Variants in FTCDNL1 observed in about 807,000 individuals in gnomAD.
FTCDNL1 encodes the protein formiminotransferase cyclodeaminase N-terminal like, also known as formiminotransferase N-terminal subdomain-containing protein.
FTCDNL1 carries 11 observed loss-of-function variants against 5.9 expected under a neutral mutation model. The observed-to-expected ratio is 1.87, with a 90% confidence interval of 1.18 to 3.10. The LOEUF (loss-of-function observed/expected upper bound fraction) is 3.10, where lower values mean the gene tolerates loss of function less well. Ranked by LOEUF, FTCDNL1 falls within the 30% of genes most tolerant of loss-of-function variation. FTCDNL1 has a pLI of 0.00. For synonymous variants in FTCDNL1, 58 were observed against 24.8 expected, an observed-to-expected ratio of 2.34 and a Z score of -3.99; for missense variants, 115 against 65.5, an observed-to-expected ratio of 1.76 and a Z score of -2.61.
At chr2:199,753,419 G>A in the FTCDNL1 span, among the ~76,000 whole-genome samples, 1 of 152,272 alleles carries the variant, frequency 6.6e-6, no homozygotes. Context: ...CCCTGCCGAG[G>A]ATGGTGCTGA....
intron 3 of FTCDNL1, among the ~76,000 whole-genome samples, chr2:199,789,775 T>C (rs1421260054): frequency 1.3e-5 from 2 of 152,126 alleles, no homozygotes; most frequent in Non-Finnish European, 2.9e-5. Context: ...TAGCTGGATA[T>C]AAGATAAATA....
the FTCDNL1 span, among the ~76,000 whole-genome samples, chr2:199,731,267 G>A: frequency 2.6e-5 from 4 of 152,242 alleles, no homozygotes; most frequent in South Asian, 6.2e-4. Flanking sequence ...CCTAGATGAT[G>A]GGTTGATAGG....
the FTCDNL1 span, among the ~76,000 whole-genome samples, chr2:199,673,091 G>A: frequency 6.6e-6 from 1 of 152,082 alleles, no homozygotes; most frequent in Non-Finnish European, 1.5e-5. Flanking sequence ...CCTTCGGGAG[G>A]CCGAGGTGGG....
At chr2:199,828,930 C>G (rs1007248305) in intron 3 of FTCDNL1, among the ~76,000 whole-genome samples, 2 of 152,128 alleles carry the variant, frequency 1.3e-5, no homozygotes, top group African/African-American at 4.8e-5. Flanking sequence ...ATATTGTATT[C>G]CTAGTGAGAA....
At chr2:199,800,621 G>T (rs896473693) in intron 3 of FTCDNL1, among the ~76,000 whole-genome samples, 1 of 151,988 alleles carries the variant, frequency 6.6e-6, no homozygotes, top group African/African-American at 2.4e-5. Flanking sequence ...CATTTTTATG[G>T]CTACTCTTTT....
At chr2:199,813,403 G>A (rs1323843603) in intron 4 of FTCDNL1, among the ~76,000 whole-genome samples, 1 of 151,946 alleles carries the variant, frequency 6.6e-6, no homozygotes, top group Non-Finnish European at 1.5e-5. Context: ...CACTTTAGGA[G>A]TGCCAAAGTT....
intron 3 of FTCDNL1, among the ~76,000 whole-genome samples, chr2:199,761,747 T>C (rs1698283556): frequency 6.6e-6 from 1 of 152,206 alleles, no homozygotes; most frequent in Admixed American, 6.5e-5. Flanking sequence ...TCCTGGGTCC[T>C]GTCTTCAGGA....
intron 3 of FTCDNL1, among the ~76,000 whole-genome samples, chr2:199,777,059 G>A (rs536581605): frequency 3.3e-5 from 5 of 151,452 alleles, no homozygotes; most frequent in Non-Finnish European, 5.9e-5. Flanking sequence ...TCGGGAGGCC[G>A]AGGCAGGTGG....
the FTCDNL1 span, among the ~76,000 whole-genome samples, chr2:199,687,393 T>C: frequency 3.3e-5 from 5 of 152,322 alleles, no homozygotes; most frequent in South Asian, 4.1e-4. Context: ...GCAAAGGAAA[T>C]GAAAGTTCCG....
the FTCDNL1 span, among the ~76,000 whole-genome samples, chr2:199,738,473 A>C: frequency 1.3e-5 from 2 of 152,212 alleles, no homozygotes; most frequent in African/African-American, 2.4e-5. Flanking sequence ...TGAAATTACT[A>C]ACTAATTAGC....
At chr2:199,734,282 T>G in the FTCDNL1 span, among the ~76,000 whole-genome samples, 1 of 152,220 alleles carries the variant, frequency 6.6e-6, no homozygotes, top group Admixed American at 6.5e-5. Flanking sequence ...TTAACCATTT[T>G]GCTTTATACA....
chr2:199,728,141 A>T, the FTCDNL1 span, among the ~76,000 whole-genome samples: 30,950 of 152,186 alleles, frequency 0.2, 3,383 homozygotes, highest in Middle Eastern at 0.33. Context: ...AGATTCTAAT[A>T]CTGCCTTCCC....
At chr2:199,791,316 G>C (rs1338494353) in intron 3 of FTCDNL1, among the ~76,000 whole-genome samples, 2 of 152,144 alleles carry the variant, frequency 1.3e-5, no homozygotes, top group East Asian at 3.9e-4. Flanking sequence ...CCAGCAAAAA[G>C]AGAAAGGAAA....
At chr2:199,730,861 A>G in the FTCDNL1 span, among the ~76,000 whole-genome samples, 1 of 152,254 alleles carries the variant, frequency 6.6e-6, no homozygotes, top group African/African-American at 2.4e-5. Flanking sequence ...CCAAAGGATT[A>G]TAAATCATTC....
At chr2:199,729,190 T>C in the FTCDNL1 span, among the ~76,000 whole-genome samples, 4 of 152,216 alleles carry the variant, frequency 2.6e-5, no homozygotes, top group African/African-American at 4.8e-5. Flanking sequence ...ATACATGGGT[T>C]CAACATGTGA....
intron 3 of FTCDNL1, among the ~76,000 whole-genome samples, chr2:199,791,318 G>A (rs1178923067): frequency 6.6e-6 from 1 of 152,054 alleles, no homozygotes; most frequent in Non-Finnish European, 1.5e-5. Flanking sequence ...AGCAAAAAGA[G>A]AAAGGAAAAA....
downstream of FTCDNL1, among the ~76,000 whole-genome samples, chr2:199,804,460 A>C (rs973133872): frequency 6.6e-6 from 1 of 152,238 alleles, no homozygotes; most frequent in Non-Finnish European, 1.5e-5. Flanking sequence ...TTTACATTTT[A>C]AATGATGGAA....
chr2:199,754,923 A>G, the FTCDNL1 span, among the ~76,000 whole-genome samples: 1 of 152,242 alleles, frequency 6.6e-6, no homozygotes, highest in African/African-American at 2.4e-5. Context: ...TAGCGGTAGA[A>G]AATTCCAGTC....
chr2:199,808,877 A>G (rs1700870502), downstream of FTCDNL1, among the ~76,000 whole-genome samples: 1 of 152,216 alleles, frequency 6.6e-6, no homozygotes, highest in African/African-American at 2.4e-5. Flanking sequence ...TACATGAAAA[A>G]TAAGAGCAAG....
Sources: gnomAD v4.1 joint callset for allele counts (sites outside exome capture counted in the v4.1 genomes callset) on GRCh38, gnomAD v4.1.1 for gene constraint, MANE v1.5 for transcripts, NCBI Gene and HGNC (gene_info 2026-07-23, HGNC 2026-07-21) for gene names.